VAV2: variants seen among roughly 807,000 people sequenced by gnomAD.
The protein encoded by VAV2 is vav guanine nucleotide exchange factor 2, also known as guanine nucleotide exchange factor VAV2.
Under a neutral mutation model 132.5 loss-of-function variants are expected in VAV2, and 67 were observed. The ratio of observed to expected loss-of-function variants is 0.51; its 90% CI spans 0.42 to 0.62. The LOEUF is 0.62. Ranked by LOEUF, VAV2 falls within the 20% of genes least tolerant of loss-of-function variation. VAV2 has a pLI of 0.00. For synonymous variants in VAV2, 492 were observed against 443.5 expected (o/e 1.11, Z -1.37); for missense variants, 938 against 1,153.6 (o/e 0.81, Z 2.71).
At chr9:133,982,080 G>T (rs1339523954) in intron 1 of VAV2, among the ~76,000 whole-genome samples, 1 of 152,208 alleles carries the variant, frequency 6.6e-6, no homozygotes, top group Non-Finnish European at 1.5e-5. Context: ...CAGGGGACTC[G>T]AGCAGGCCTG....
chr9:133,941,353 A>C (rs1221203402), intron 1 of VAV2, among the ~76,000 whole-genome samples: 2 of 151,916 alleles, frequency 1.3e-5, no homozygotes, highest in Non-Finnish European at 2.9e-5. Context: ...GGTTGCAGTG[A>C]GCCGAGATCG....
intron 2 of VAV2, among the ~76,000 whole-genome samples, chr9:133,891,803 G>GATGA (rs1838978770): frequency 2.6e-5 from 1 of 38,772 alleles, no homozygotes; most frequent in Non-Finnish European, 5.9e-5. Context: ...GGAGGGGAGG[G>GATGA]AGGGAGAGGG....
chr9:133,871,848 A>G (rs1838067852), intron 2 of VAV2, among the ~76,000 whole-genome samples: 1 of 152,180 alleles, frequency 6.6e-6, no homozygotes, highest in Admixed American at 6.5e-5. Flanking sequence ...GGTACCTGAG[A>G]GCCACCACCT....
At chr9:133,920,032 C>T (rs1476275608) in intron 2 of VAV2, among the ~76,000 whole-genome samples, 1 of 152,196 alleles carries the variant, frequency 6.6e-6, no homozygotes, top group Non-Finnish European at 1.5e-5. Flanking sequence ...GGCGTGGGCC[C>T]CAGTGTGGAC....
chr9:133,865,079 C>G (rs1009844391), intron 2 of VAV2, among the ~76,000 whole-genome samples: 2 of 152,164 alleles, frequency 1.3e-5, no homozygotes, highest in Non-Finnish European at 2.9e-5. Context: ...GCCCAGGCAC[C>G]GAAAACTCCA....
intron 2 of VAV2, among the ~76,000 whole-genome samples, chr9:133,916,889 C>G (rs2132063529): frequency 6.6e-6 from 1 of 152,290 alleles, no homozygotes; most frequent in South Asian, 2.1e-4. Flanking sequence ...CTGTGTGACC[C>G]ATGGCCACTC....
At chr9:133,930,355 C>G (rs1840636430) in intron 2 of VAV2, among the ~76,000 whole-genome samples, 1 of 90,424 alleles carries the variant, frequency 1.1e-5, no homozygotes, top group African/African-American at 3.4e-5. Flanking sequence ...GCCTCCTGGC[C>G]TCTTCACTAC....
intron 13 of VAV2, 79 bp from the exon 14 acceptor site, chr9:133,789,422 C>G (rs985848393): frequency 7.0e-7 from 1 of 1,426,786 alleles, no homozygotes. Context: ...GGCAGACTGT[C>G]GTGCACCCAA....
chr9:133,910,392 G>A (rs1839835238), intron 2 of VAV2, among the ~76,000 whole-genome samples: 1 of 152,160 alleles, frequency 6.6e-6, no homozygotes, highest in Admixed American at 6.5e-5. Flanking sequence ...CCTTCCAGAT[G>A]GAGGCACTGG....
intron 3 of VAV2, among the ~76,000 whole-genome samples, chr9:133,852,088 T>G (rs1038904058): frequency 6.6e-6 from 1 of 151,562 alleles, no homozygotes; most frequent in Non-Finnish European, 1.5e-5. Flanking sequence ...GGCTGATGAG[T>G]GGACAGATGG....
chr9:133,928,186 TGTGC>T lies in VAV2; in HGVS notation c.321+10913_321+10916del, dbSNP rs1048696409. On this transcript the variant is annotated intron_variant, in intron 2 of 29. Transcript: ENST00000371850. The surrounding 1 kb of genome is among the most constrained non-coding windows in gnomAD (Gnocchi z 5.4). ...TACCGACTCCGTGTGTGTGTGTGTG[TGTGC>T]GTGCATGTGTGTATGTCTGTGTGTG... Among the ~76,000 whole-genome samples, 4 of 151,318 alleles carry T rather than the reference TGTGC, an allele frequency of 2.6e-5. No individual in the cohort carries two copies. The highest frequency in any genetic ancestry group is 4.4e-5 in the Non-Finnish European group (3 of 67,694).
intron 1 of VAV2, among the ~76,000 whole-genome samples, chr9:133,966,935 T>G (rs1842159602): frequency 6.8e-6 from 1 of 146,220 alleles, no homozygotes; most frequent in African/African-American, 2.6e-5. Context: ...CTTGGGAGGC[T>G]GAGGCAGGAG....
At chr9:133,772,946 A>C (rs1439743128) in intron 25 of VAV2, among the ~76,000 whole-genome samples, 6 of 53,238 alleles carry the variant, frequency 1.1e-4, no homozygotes, top group Non-Finnish European at 2.7e-4. Context: ...ACCTAAGCTG[A>C]ATGATGGAGC....
intron 9 of VAV2, 30 bp downstream of exon 9, chr9:133,806,051 A>G (rs2131682606): frequency 6.3e-7 from 1 of 1,595,342 alleles, no homozygotes; most frequent in South Asian, 1.1e-5. Context: ...GGGAGGGGCC[A>G]AGGAGCCCCA....
intron 1 of VAV2, among the ~76,000 whole-genome samples, chr9:133,945,384 G>A (rs1007067890): frequency 1.1e-4 from 16 of 152,238 alleles, no homozygotes; most frequent in Non-Finnish European, 1.8e-4. Flanking sequence ...GGCCAGAGAG[G>A]AGGGGGCTGA....
intron 2 of VAV2, among the ~76,000 whole-genome samples, chr9:133,870,103 CAT>C (rs1454992282): frequency 3.3e-5 from 5 of 152,066 alleles, no homozygotes; most frequent in African/African-American, 1.2e-4. Context: ...AATTACAAAA[CAT>C]GTGCAATCAC....
intron 4 of VAV2, among the ~76,000 whole-genome samples, chr9:133,827,244 A>ACGGGCATCGC (rs1564384082): frequency 4.2e-5 from 2 of 47,584 alleles, no homozygotes; most frequent in Admixed American, 2.6e-4. Context: ...GGGGCTGACC[A>ACGGGCATCGC]CTGAGCGGGG....
rs562332606 is a variant in VAV2, at chr9:133,796,792, C to T, written c.937-268G>A. 5.3e-5 allele frequency among the ~76,000 whole-genome samples: 8 copies of T among 152,374 alleles called. No individual in the cohort carries two copies. In the South Asian group the frequency reaches 1.4e-3, roughly 28 times the overall value. ...ACGTGCGATGCTACGGAAACCCTCT[C>T]GGGGCGCCTGCTGGGCCTGTCTGGA... On this transcript the variant is annotated intron_variant, in intron 10 of 29. Transcript: ENST00000371850.
chr9:133,911,619 C>T (rs930107356), intron 2 of VAV2, among the ~76,000 whole-genome samples: 10 of 152,234 alleles, frequency 6.6e-5, no homozygotes, highest in African/African-American at 2.4e-4. Flanking sequence ...GCCAGTGTCA[C>T]TCCTGAGGCC....
Sources: gnomAD v4.1 joint callset for allele counts (sites outside exome capture counted in the v4.1 genomes callset) on GRCh38, gnomAD v4.1.1 for gene constraint, Gnocchi (gnomAD v3.1) non-coding constraint, MANE v1.5 for transcripts, NCBI Gene and HGNC (gene_info 2026-07-23, HGNC 2026-07-21) for gene names.